PCNT: variants seen among roughly 807,000 people sequenced by gnomAD.
PCNT encodes pericentrin.
PCNT carries 319 observed loss-of-function variants against 380.4 expected under a neutral mutation model. The ratio of observed to expected loss-of-function variants is 0.84; its 90% CI spans 0.77 to 0.92. The LOEUF (loss-of-function observed/expected upper bound fraction) is 0.92, where lower values mean the gene tolerates loss of function less well. PCNT is among the 40% of genes least tolerant of loss of function. The probability of loss-of-function intolerance (pLI) is 0.00; values close to 1 mark genes in which losing one functional copy is unlikely to be tolerated. For missense variants in PCNT, 4,400 were observed against 4,255.3 expected (o/e 1.03, Z -0.95); for synonymous variants, 1,845 against 1,735.2 (o/e 1.06, Z -1.57).
At chr21:46,326,945 A>G (rs1328760791) in intron 2 of PCNT, among the ~76,000 whole-genome samples, 1 of 151,854 alleles carries the variant, frequency 6.6e-6, no homozygotes, top group East Asian at 1.9e-4. Context: ...CTTGTGAGGC[A>G]GAGGTTGCAT....
chr21:46,347,881 C>T (rs898315108), intron 6 of PCNT, among the ~76,000 whole-genome samples: 1 of 152,250 alleles, frequency 6.6e-6, no homozygotes, highest in Non-Finnish European at 1.5e-5. Flanking sequence ...GGGGAGAATA[C>T]CACACAGGGA....
chr21:46,335,420 G>A (rs1323851936), intron 3 of PCNT, among the ~76,000 whole-genome samples: 2 of 152,150 alleles, frequency 1.3e-5, no homozygotes, highest in Non-Finnish European at 2.9e-5. Flanking sequence ...TTTAGGCTGG[G>A]CACGGTGGCT....
Position 46,349,160 on chromosome 21 carries a change from T to G in PCNT, c.1181T>G (p.Ile394Ser), listed in dbSNP as rs200545088. The G allele has an allele frequency of 6.2e-7, 1 of 1,613,954 alleles. No individual in the cohort carries two copies. The highest frequency in any genetic ancestry group is 8.5e-7 in the Non-Finnish European group (1 of 1,179,902). ...GAACAGAGAGCTGAGTTGGAGAAGA[T>G]TTTTCAAGACAAAAACCAGGCTGAA... The part of the protein sequence containing the change: ...LAEQRAELEK[I>S]FQDKNQAERA... Residue 394 changes from isoleucine (I) to serine (S), a missense_variant, in exon 7 of 47, where the codon ATT becomes AGT. Physicochemically the swap from Ile to Ser is moderately radical, Grantham distance 142. Transcript: ENST00000359568.
At chr21:46,355,008 C>G (rs2084420539) in intron 11 of PCNT, among the ~76,000 whole-genome samples, 1 of 152,216 alleles carries the variant, frequency 6.6e-6, no homozygotes, top group African/African-American at 2.4e-5. Context: ...AGAGCCAACC[C>G]CTGCCTCTGC....
In PCNT at chr21:46,388,727, T is replaced by C. The variant is rs756331388; in HGVS notation, c.3465-15T>C. 3.7e-6 allele frequency: 6 copies of C among 1,613,384 alleles called. No individual in the cohort carries two copies. Among genetic ancestry groups the C allele is most frequent in the Middle Eastern group, 1.7e-4 (1 of 6,036 alleles). ...CGTGACCAGCTTGCCTGATGATGGGTGTCTCCTGTCTCAGAGGGGCCCTCC... is the reference window on the plus strand; with the variant it reads ...CGTGACCAGCTTGCCTGATGATGGGCGTCTCCTGTCTCAGAGGGGCCCTCC... On this transcript the variant is annotated splice_polypyrimidine_tract_variant and intron_variant, in intron 17 of 46. Transcript: ENST00000359568. The surrounding 1 kb of genome is among the most constrained non-coding windows in gnomAD (Gnocchi z 4.2).
chr21:46,411,347 T>C lies in PCNT; in HGVS notation c.5274T>C (p.Pro1758=). The part of the protein sequence containing the change: ...KLQHELSLMG[P]VVHEVSDSQA... ...AGCACGAGCTGTCCCTCATGGGGCC[T>C]GTGGTGCACGAAGTCAGCGACAGTC... The change falls in exon 28 of 47, where the codon CCT becomes CCC. Residue 1758 remains proline (P), a synonymous_variant. Transcript: ENST00000359568. 1 of 1,614,162 alleles carries C rather than the reference T, an allele frequency of 6.2e-7. No homozygotes were observed. Among genetic ancestry groups the C allele is most frequent in the Non-Finnish European group, 8.5e-7 (1 of 1,180,034 alleles).
intron 13 of PCNT, among the ~76,000 whole-genome samples, chr21:46,362,261 C>G (rs569632581): frequency 6.6e-6 from 1 of 152,346 alleles, no homozygotes; most frequent in East Asian, 1.9e-4. Flanking sequence ...TCCTCCCTCA[C>G]TCTCCAGTTC....
intron 15 of PCNT, among the ~76,000 whole-genome samples, chr21:46,372,128 G>A (rs1043534529): frequency 7.0e-6 from 1 of 141,958 alleles, no homozygotes; most frequent in Non-Finnish European, 1.5e-5. Flanking sequence ...CACACATGCA[G>A]CACACTCACA....
intron 16 of PCNT, among the ~76,000 whole-genome samples, chr21:46,383,997 G>A (rs1403325072): frequency 2.1e-5 from 3 of 145,658 alleles, no homozygotes; most frequent in African/African-American, 5.0e-5. Context: ...TGTATATTCA[G>A]TGGCGGAAGC....
At chr21:46,361,070 TTTTTAATAG>T (rs1307353297) in intron 13 of PCNT, among the ~76,000 whole-genome samples, 3 of 152,350 alleles carry the variant, frequency 2.0e-5, no homozygotes, top group Non-Finnish European at 2.9e-5. Context: ...TTGCATTATG[TTTTTAATAG>T]TTGCTCCAGG....
intron 12 of PCNT, 49 bp downstream of exon 12, chr21:46,355,675 G>A (rs752560919): frequency 6.3e-7 from 1 of 1,595,092 alleles, no homozygotes. Flanking sequence ...CGGGTCTGGG[G>A]GACGTTCTCG....
In PCNT at chr21:46,334,771, AT is replaced by A; in HGVS notation, c.639+5del. On this transcript the variant is annotated splice_donor_region_variant and intron_variant, in intron 3 of 46. Transcript: ENST00000359568. ...AACAGCGTGGGATGTTCACAAAGGT[AT>A]TCTTTAAGTTCTCTGTTAAGGTGTA... The A allele has an allele frequency of 6.2e-7, 1 of 1,614,218 alleles. No homozygotes were observed. The highest frequency in any genetic ancestry group is 2.2e-5 in the East Asian group (1 of 44,888).
At chr21:46,348,803 A>G (rs1264700170) in intron 6 of PCNT, among the ~76,000 whole-genome samples, 4 of 149,914 alleles carry the variant, frequency 2.7e-5, no homozygotes, top group Admixed American at 6.6e-5. Context: ...TTTTTTTTGT[A>G]GAGATGGGGT....
At chr21:46,442,707 TCAGAG>T (rs1444605307) in intron 44 of PCNT, 134 bp downstream of exon 44, 1 of 722,862 alleles carries the variant, frequency 1.4e-6, no homozygotes, top group African/African-American at 1.7e-5. Flanking sequence ...GTGAATTCCG[TCAGAG>T]CAGTCGTCCA....
Position 46,388,891 on chromosome 21 carries a change from G to T in PCNT, c.3607+7G>T. The stretch of plus-strand genomic sequence containing the variant: ...GGCCTGGCCCTGTCGACAGGTGAGT[G>T]TGCCGGGACCAGCTGCCCAGCCCTG... On this transcript the variant is annotated splice_region_variant and intron_variant, in intron 18 of 46. Coordinates refer to ENST00000359568, the MANE Select transcript of PCNT (RefSeq NM_006031.6). The surrounding 1 kb of genome is among the most constrained non-coding windows in gnomAD (Gnocchi z 4.2). 1 of 1,593,996 alleles carries T rather than the reference G, an allele frequency of 6.3e-7. No individual in the cohort carries two copies. The highest frequency in any genetic ancestry group is 8.5e-7 in the Non-Finnish European group (1 of 1,175,580).
At chr21:46,349,240 A>C in intron 7 of PCNT, 54 bp downstream of exon 7, 1 of 1,387,444 alleles carries the variant, frequency 7.2e-7, no homozygotes, top group South Asian at 1.2e-5. Flanking sequence ...CCTAGGTAGT[A>C]CTGGAAGGAA....
rs149413536 is a variant in PCNT at position 46,422,004 on chromosome 21, G to A, written c.7059G>A (p.Pro2353=). 34 of 1,613,966 alleles carry A rather than the reference G, an allele frequency of 2.1e-5. No homozygotes were observed. Among genetic ancestry groups the A allele is most frequent in the Admixed American group, 8.3e-5 (5 of 60,010 alleles). ...DGSGFGARLS[P]GSGGPEAQTA... The stretch of plus-strand genomic sequence containing the variant: ...CGGGTTTTGGAGCAAGACTGAGCCC[G>A]GGGTCAGGAGGCCCTGAGGCTCAAA... Residue 2353 remains proline, a synonymous_variant, in exon 32 of 47, where the codon CCG becomes CCA. Coordinates refer to ENST00000359568, the MANE Select transcript of PCNT (RefSeq NM_006031.6).
chr21:46,382,792 C>T (rs867905973), intron 16 of PCNT, among the ~76,000 whole-genome samples: 10 of 134,916 alleles, frequency 7.4e-5, no homozygotes, highest in Non-Finnish European at 1.6e-4. Flanking sequence ...GTGACAGAAG[C>T]GCATTCACGG....
At chr21:46,324,348 G>A in intron 1 of PCNT, 66 bp downstream of exon 1, 3 of 1,302,368 alleles carry the variant, frequency 2.3e-6, no homozygotes, top group Non-Finnish European at 3.3e-6. Context: ...TCCGGTGCCC[G>A]CCACCGCCCC....
Sources: gnomAD v4.1 joint callset for allele counts (sites outside exome capture counted in the v4.1 genomes callset) on GRCh38, gnomAD v4.1.1 for gene constraint, Gnocchi (gnomAD v3.1) non-coding constraint, MANE v1.5 for transcripts, NCBI Gene and HGNC (gene_info 2026-07-23, HGNC 2026-07-21) for gene names.